The following RUNDC3B variants were observed in gnomAD, a reference collection of about 807,000 sequenced individuals.
RUNDC3B encodes the protein RUN domain containing 3B, also known as RUN domain-containing protein 3B.
A neutral mutation model predicts 58.4 loss-of-function variants in RUNDC3B; 33 were observed. That is an observed-to-expected ratio of 0.56 (90% CI 0.43 to 0.75). The LOEUF (loss-of-function observed/expected upper bound fraction) is 0.75. Ranked by LOEUF, RUNDC3B falls within the 30% of genes least tolerant of loss-of-function variation. The pLI is 0.00. For missense variants in RUNDC3B, 501 were observed against 535.7 expected (o/e 0.94, Z 0.64); for synonymous variants, 193 against 195.2 (o/e 0.99, Z 0.10).
chr7:87,721,113 T>G (rs1830863727), intron 4 of RUNDC3B, among the ~76,000 whole-genome samples: 2 of 150,504 alleles, frequency 1.3e-5, no homozygotes, highest in East Asian at 3.9e-4. Context: ...AAAAAGAAAA[T>G]TTTAAGTTAA....
chr7:87,786,058 C>A (rs911024499), intron 8 of RUNDC3B, among the ~76,000 whole-genome samples: 1 of 152,158 alleles, frequency 6.6e-6, no homozygotes, highest in Non-Finnish European at 1.5e-5. Context: ...TCTCTCTCAA[C>A]TTTCAGTGTT....
rs145245577 is a variant in RUNDC3B at position 87,636,734 on chromosome 7, G to A, written c.122+7789G>A. Among the ~76,000 whole-genome samples, 455 of 152,138 alleles carry A rather than the reference G, an allele frequency of 3.0e-3. 2 individuals are homozygous for A. Among genetic ancestry groups the A allele is most frequent in the African/African-American group, 0.011 (439 of 41,516 alleles). The stretch of plus-strand genomic sequence containing the variant: ...AGTTTATTTATGATGTGAAGTACAG[G>A]AGTCAAGATTAAATATTTCCCTTAA... On this transcript the variant is annotated intron_variant, in intron 1 of 10. Coordinates refer to ENST00000394654, the MANE Select transcript of RUNDC3B (RefSeq NM_001134405.2).
intron 6 of RUNDC3B, among the ~76,000 whole-genome samples, chr7:87,756,711 A>G (rs1484838393): frequency 6.6e-6 from 1 of 152,060 alleles, no homozygotes; most frequent in African/African-American, 2.4e-5. Context: ...TTACATTTCA[A>G]TATTTCTGAC....
chr7:87,704,591 G>A (rs953184970), intron 3 of RUNDC3B, among the ~76,000 whole-genome samples: 2 of 152,206 alleles, frequency 1.3e-5, no homozygotes, highest in Non-Finnish European at 2.9e-5. Context: ...TCCCTGCACA[G>A]CAATATGTTA....
At chr7:87,665,243 C>A (rs1332823363) in intron 2 of RUNDC3B, among the ~76,000 whole-genome samples, 2 of 151,966 alleles carry the variant, frequency 1.3e-5, no homozygotes, top group East Asian at 3.9e-4. Context: ...TCAGTGAAGT[C>A]GTATGATACA....
At chr7:87,774,916 C>T (rs1224112362) in intron 7 of RUNDC3B, among the ~76,000 whole-genome samples, 1 of 152,126 alleles carries the variant, frequency 6.6e-6, no homozygotes, top group Non-Finnish European at 1.5e-5. Flanking sequence ...TGTAAATAAA[C>T]CTATTGCCCT....
At chr7:87,694,172 A>T (rs376297217) in intron 2 of RUNDC3B, 2 of 361,822 alleles carry the variant, frequency 5.5e-6, no homozygotes, top group East Asian at 1.6e-4. Context: ...GTAAATCCAC[A>T]CAATATAATA....
intron 8 of RUNDC3B, among the ~76,000 whole-genome samples, chr7:87,785,271 G>C (rs570428040): frequency 1.3e-5 from 2 of 151,890 alleles, no homozygotes; most frequent in Non-Finnish European, 2.9e-5. Context: ...CAGAAGGTAC[G>C]ACTGGTCAAC....
intron 1 of RUNDC3B, among the ~76,000 whole-genome samples, chr7:87,646,327 T>A (rs1823000106): frequency 6.6e-6 from 1 of 152,192 alleles, no homozygotes; most frequent in African/African-American, 2.4e-5. Context: ...GTTTGTTAAG[T>A]AATCTAGTGT....
chr7:87,792,054 G>C (rs1213120686), intron 8 of RUNDC3B, among the ~76,000 whole-genome samples: 1 of 152,048 alleles, frequency 6.6e-6, no homozygotes, highest in Non-Finnish European at 1.5e-5. Flanking sequence ...ACTGAAAAAA[G>C]ATCAGGAGTA....
intron 2 of RUNDC3B, among the ~76,000 whole-genome samples, chr7:87,659,881 C>T (rs765692657): frequency 6.6e-6 from 1 of 152,038 alleles, no homozygotes; most frequent in Non-Finnish European, 1.5e-5. Flanking sequence ...CCAGAAGTTG[C>T]CTTTATTTTT....
intron 7 of RUNDC3B, 53 bp downstream of exon 7, chr7:87,770,802 A>G: frequency 8.0e-7 from 1 of 1,247,880 alleles, no homozygotes; most frequent in East Asian, 2.4e-5. Flanking sequence ...ATTGCCTTTG[A>G]ACTGTGACTG....
At chr7:87,686,858 T>C (rs1827513752) in intron 2 of RUNDC3B, among the ~76,000 whole-genome samples, 1 of 146,654 alleles carries the variant, frequency 6.8e-6, no homozygotes, top group South Asian at 2.2e-4. Flanking sequence ...GGTGGGAGGG[T>C]CACCTGAGCC....
At chr7:87,646,491 T>C (rs1342158294) in intron 1 of RUNDC3B, among the ~76,000 whole-genome samples, 1 of 152,186 alleles carries the variant, frequency 6.6e-6, no homozygotes, top group Non-Finnish European at 1.5e-5. Context: ...TGCATTACTA[T>C]CTTAAATGGC....
At chr7:87,753,529 C>T (rs910755878) in intron 6 of RUNDC3B, among the ~76,000 whole-genome samples, 1 of 152,100 alleles carries the variant, frequency 6.6e-6, no homozygotes, top group Non-Finnish European at 1.5e-5. Flanking sequence ...GTAGGTCACT[C>T]AGGACTTACT....
intron 8 of RUNDC3B, among the ~76,000 whole-genome samples, chr7:87,797,167 A>G (rs1225052927): frequency 6.6e-6 from 1 of 152,188 alleles, no homozygotes; most frequent in Admixed American, 6.5e-5. Flanking sequence ...TAAAATATGA[A>G]TAACTTTATA....
At chr7:87,669,100 C>T (rs946046264) in intron 2 of RUNDC3B, among the ~76,000 whole-genome samples, 9 of 151,748 alleles carry the variant, frequency 5.9e-5, no homozygotes, top group Admixed American at 2.0e-4. Context: ...CTATTTTTTC[C>T]ATGGGAGTTT....
chr7:87,824,608 C>G (rs1400678930), intron 10 of RUNDC3B, among the ~76,000 whole-genome samples: 2 of 152,152 alleles, frequency 1.3e-5, no homozygotes, highest in African/African-American at 4.8e-5. Context: ...ACTGGGTTAA[C>G]AGGCAGAGGT....
intron 9 of RUNDC3B, among the ~76,000 whole-genome samples, chr7:87,811,818 C>A (rs1324226113): frequency 6.6e-6 from 1 of 152,146 alleles, no homozygotes. Flanking sequence ...GCTTTCCTTG[C>A]ATCCTTCTGT....
Sources: gnomAD v4.1 joint callset for allele counts (sites outside exome capture counted in the v4.1 genomes callset) on GRCh38, gnomAD v4.1.1 for gene constraint, MANE v1.5 for transcripts, NCBI Gene and HGNC (gene_info 2026-07-23, HGNC 2026-07-21) for gene names.